Variants in ARHGEF3 observed in about 807,000 individuals in gnomAD.
The protein encoded by ARHGEF3 is Rho guanine nucleotide exchange factor 3.
ARHGEF3 carries 28 observed loss-of-function variants against 63.2 expected under a neutral mutation model. The ratio of observed to expected loss-of-function variants is 0.44; its 90% confidence interval spans 0.33 to 0.61. ARHGEF3 has a LOEUF of 0.61. Among genes scored for constraint, ARHGEF3 ranks in the 20% least tolerant of loss-of-function variants. ARHGEF3 has a pLI of 0.03. For synonymous variants in ARHGEF3, 266 were observed against 254.2 expected, an observed-to-expected ratio of 1.05 and a Z score of -0.44; for missense variants, 533 against 659.3, an observed-to-expected ratio of 0.81 and a Z score of 2.10.
At chr3:56,866,385 G>A (rs2040248673) in intron 4 of ARHGEF3, among the ~76,000 whole-genome samples, 1 of 152,162 alleles carries the variant, frequency 6.6e-6, no homozygotes, top group African/African-American at 2.4e-5. Context: ...GACTAAAGAT[G>A]GTGGGTTAGT....
chr3:57,013,228 C>T (rs780537306), intron 2 of ARHGEF3, among the ~76,000 whole-genome samples: 31 of 152,344 alleles, frequency 2.0e-4, no homozygotes, highest in Middle Eastern at 3.4e-3. Context: ...ATCCCATCGA[C>T]GGCCCAAGGG....
At chr3:56,953,136 G>A (rs1699886960) in intron 3 of ARHGEF3, among the ~76,000 whole-genome samples, 1 of 152,206 alleles carries the variant, frequency 6.6e-6, no homozygotes. Context: ...TGCACAAACT[G>A]AGCCTGCAAG....
Position 56,831,852 on chromosome 3 carries a change from TA to T in ARHGEF3, c.192+50439del, listed in dbSNP as rs201592881. On this transcript the variant is annotated intron_variant, in intron 4 of 12. Transcript: ENST00000338458. Reference sequence around the variant, plus strand: ...GCTCTCTTCCATTTTTTTCTGGACCTAAATTTGAGCAATCTTTGGGTGAACT... The same window carrying T: ...GCTCTCTTCCATTTTTTTCTGGACCTAATTTGAGCAATCTTTGGGTGAACT... 5.0e-3 allele frequency among the ~76,000 whole-genome samples: 763 copies of T among 152,360 alleles called. 7 individuals are homozygous for T. The highest frequency in any genetic ancestry group is 0.018 in the African/African-American group (737 of 41,592).
intron 3 of ARHGEF3, among the ~76,000 whole-genome samples, chr3:56,895,186 T>C (rs949078805): frequency 2.6e-5 from 4 of 151,388 alleles, no homozygotes; most frequent in African/African-American, 9.7e-5. Context: ...AGCTGACTTC[T>C]TTCCAGGCGC....
chr3:56,751,508 T>A, intron 4 of ARHGEF3, 112 bp from the exon 5 acceptor site: 1 of 826,260 alleles, frequency 1.2e-6, no homozygotes, highest in Non-Finnish European at 2.0e-6. Flanking sequence ...TCTGGCTCTC[T>A]AACAACTTCT....
intron 7 of ARHGEF3, among the ~76,000 whole-genome samples, chr3:56,742,998 G>C (rs2034141372): frequency 6.6e-6 from 1 of 152,168 alleles, no homozygotes. Context: ...AGGCTCCCAT[G>C]CTTCAAAAAA....
At chr3:56,957,139 C>A (rs536011455) in intron 3 of ARHGEF3, among the ~76,000 whole-genome samples, 6 of 152,280 alleles carry the variant, frequency 3.9e-5, no homozygotes, top group African/African-American at 1.4e-4. Context: ...CCCACAAAAC[C>A]ATAAATGACT....
chr3:56,968,224 ATATATATAT>A lies in ARHGEF3; in HGVS notation c.63-9344_63-9336del, dbSNP rs1560094262. On this transcript the variant is annotated intron_variant, in intron 2 of 12. Coordinates refer to the ARHGEF3 transcript ENST00000338458. ...TATATAAAAATATATATTATATATA[ATATATATAT>A]AAATATATATATTAATATATAATAT... Among the ~76,000 whole-genome samples the A allele has an allele frequency of 7.0e-4, 11 of 15,818 alleles. 2 individuals are homozygous for A. In the East Asian group the frequency reaches 7.9e-3, roughly 11 times the overall value. 10.4% of individuals were successfully genotyped at this position (15,818 alleles called of 152,430 possible). A position where few individuals can be genotyped will look rare whatever the true frequency, so the allele number is the denominator to read the frequency against.
intron 3 of ARHGEF3, among the ~76,000 whole-genome samples, chr3:56,949,861 T>C (rs1367109596): frequency 6.6e-6 from 1 of 151,964 alleles, no homozygotes; most frequent in Non-Finnish European, 1.5e-5. Context: ...GGAGGCATCA[T>C]GCTACCTCAC....
At position 56,968,230 on chromosome 3, in the gene ARHGEF3, AT is replaced by A. The variant is rs1560094310; in HGVS notation, c.63-9342del. Among the ~76,000 whole-genome samples, 9 of 45,190 alleles carry A rather than the reference AT, an allele frequency of 2.0e-4. 2 individuals are homozygous for A. Among genetic ancestry groups the A allele is most frequent in the Middle Eastern group, 0.013 (1 of 80 alleles). 29.6% of individuals were successfully genotyped at this position (45,190 alleles called of 152,430 possible). ...AAAATATATATTATATATAATATAT[AT>A]ATAAATATATATATTAATATATAAT... On this transcript the variant is annotated intron_variant, in intron 2 of 12. Transcript: ENST00000338458.
At chr3:56,745,013 T>A (rs1367629670) in intron 7 of ARHGEF3, among the ~76,000 whole-genome samples, 192 bp downstream of exon 7, 1 of 152,096 alleles carries the variant, frequency 6.6e-6, no homozygotes, top group Non-Finnish European at 1.5e-5. Context: ...ATTTTACAGT[T>A]TAGGAAACTG....
In ARHGEF3 at chr3:56,829,966, C is replaced by T. The variant is rs113845220; in HGVS notation, c.192+52326G>A. On this transcript the variant is annotated intron_variant, in intron 4 of 12. Transcript: ENST00000338458. ...AACAGACAGTTTAGGATTTACTATCCGATGATCGTGTTATGGCACTTCACA... is the reference window on the plus strand; with the variant it reads ...AACAGACAGTTTAGGATTTACTATCTGATGATCGTGTTATGGCACTTCACA... 4.5e-3 allele frequency among the ~76,000 whole-genome samples: 690 copies of T among 152,224 alleles called. 2 individuals carry two copies. Among genetic ancestry groups the T allele is most frequent in the Non-Finnish European group, 7.6e-3 (520 of 68,006 alleles).
At chr3:56,986,776 G>C (rs916738068) in intron 2 of ARHGEF3, among the ~76,000 whole-genome samples, 3 of 150,982 alleles carry the variant, frequency 2.0e-5, no homozygotes, top group African/African-American at 7.3e-5. Context: ...AAAGAAGTGG[G>C]GGCAGAAAAG....
chr3:56,853,921 C>T (rs2108158157), intron 4 of ARHGEF3, among the ~76,000 whole-genome samples: 1 of 152,184 alleles, frequency 6.6e-6, no homozygotes, highest in East Asian at 1.9e-4. Context: ...ATTGGCCAGG[C>T]GTAGTGGCTC....
chr3:56,806,766 G>A (rs1341073648), upstream of ARHGEF3, among the ~76,000 whole-genome samples: 1 of 152,234 alleles, frequency 6.6e-6, no homozygotes, highest in East Asian at 1.9e-4. Context: ...CCATGACTGG[G>A]AGCAGAGCAG....
At chr3:57,077,643 A>G (rs1052215842) in intron 1 of ARHGEF3, among the ~76,000 whole-genome samples, 1 of 152,010 alleles carries the variant, frequency 6.6e-6, no homozygotes, top group African/African-American at 2.4e-5. Context: ...CCTTAAATAG[A>G]CTCCCACACT....
At chr3:56,783,431 T>C (rs981364319) in intron 1 of ARHGEF3, among the ~76,000 whole-genome samples, 4 of 152,040 alleles carry the variant, frequency 2.6e-5, no homozygotes, top group South Asian at 2.1e-4. Flanking sequence ...TTGGAGAGGG[T>C]GAATGTTCAT....
At chr3:56,764,970 T>G (rs1321887037) in intron 2 of ARHGEF3, among the ~76,000 whole-genome samples, 6 of 152,054 alleles carry the variant, frequency 3.9e-5, no homozygotes, top group Non-Finnish European at 7.4e-5. Flanking sequence ...TTGCCCAGAC[T>G]GGTCTTGAAC....
intron 1 of ARHGEF3, among the ~76,000 whole-genome samples, chr3:57,061,844 A>G (rs921361440): frequency 6.6e-6 from 1 of 152,168 alleles, no homozygotes; most frequent in Middle Eastern, 3.2e-3. Flanking sequence ...CATTTTACAG[A>G]CAAAGAACCT....
Sources: gnomAD v4.1 joint callset for allele counts (sites outside exome capture counted in the v4.1 genomes callset) on GRCh38, gnomAD v4.1.1 for gene constraint, MANE v1.5 for transcripts, NCBI Gene and HGNC (gene_info 2026-07-23, HGNC 2026-07-21) for gene names.